Variants in RALGAPA1 observed in about 807,000 individuals in gnomAD.
RALGAPA1 encodes ral GTPase-activating protein subunit alpha-1.
A neutral mutation model predicts 269.6 loss-of-function variants in RALGAPA1; 52 were observed. The observed-to-expected ratio is 0.19, with a 90% CI of 0.15 to 0.24. RALGAPA1 has a LOEUF of 0.24. RALGAPA1 is among the 10% of genes least tolerant of loss of function. The pLI is 1.00. For synonymous variants in RALGAPA1, 817 were observed against 1,008.3 expected (o/e 0.81, Z 3.60); for missense variants, 1,917 against 3,013.9 (o/e 0.64, Z 8.52).
chr14:35,681,510 A>G (rs1288620274), intron 21 of RALGAPA1, among the ~76,000 whole-genome samples: 1 of 152,212 alleles, frequency 6.6e-6, no homozygotes, highest in African/African-American at 2.4e-5. Flanking sequence ...TTTGTTTGGA[A>G]CTTTATTTTT....
chr14:35,790,458 C>T (rs772228630), intron 1 of RALGAPA1, among the ~76,000 whole-genome samples: 4 of 151,650 alleles, frequency 2.6e-5, no homozygotes, highest in East Asian at 3.9e-4. Context: ...GAGGCCAAGG[C>T]GGGCGGATCA....
At chr14:35,647,205 T>C (rs1180570321) in intron 31 of RALGAPA1, among the ~76,000 whole-genome samples, 2 of 152,230 alleles carry the variant, frequency 1.3e-5, no homozygotes, top group African/African-American at 4.8e-5. Flanking sequence ...AAGTACACAC[T>C]GCTGGCACGT....
chr14:35,748,410 C>A, intron 10 of RALGAPA1, 175 bp downstream of exon 10: 5 of 457,516 alleles, frequency 1.1e-5, no homozygotes, highest in Non-Finnish European at 1.0e-5. Context: ...GATGCGGTCT[C>A]TCCATGTTGT....
At chr14:35,610,606 C>A (rs542567420) in intron 35 of RALGAPA1, among the ~76,000 whole-genome samples, 1 of 152,086 alleles carries the variant, frequency 6.6e-6, no homozygotes, top group African/African-American at 2.4e-5. Flanking sequence ...CTAAAACCAA[C>A]CTTAAAAAGA....
At chr14:35,563,020 C>CAAAAAAAAAAAAAAAAA (rs71445944) in intron 39 of RALGAPA1, among the ~76,000 whole-genome samples, 1 of 37,256 alleles carries the variant, frequency 2.7e-5, no homozygotes, top group African/African-American at 9.0e-5. Flanking sequence ...GAGTCCGTCT[C>CAAAAAAAAAAAAAAAAA]AAAAAAAAAA....
At chr14:35,651,510 A>C (rs372387028) in intron 31 of RALGAPA1, among the ~76,000 whole-genome samples, 31 of 152,298 alleles carry the variant, frequency 2.0e-4, no homozygotes, top group Middle Eastern at 3.4e-3. Flanking sequence ...AGAATTAACA[A>C]TCTTCAGGCA....
intron 26 of RALGAPA1, among the ~76,000 whole-genome samples, chr14:35,668,003 A>G (rs2064090967): frequency 1.3e-5 from 2 of 152,224 alleles, no homozygotes; most frequent in African/African-American, 2.4e-5. Context: ...ATCTGCAGCA[A>G]CATGGGTAGA....
intron 31 of RALGAPA1, among the ~76,000 whole-genome samples, chr14:35,639,971 A>T (rs919057750): frequency 2.0e-5 from 3 of 151,824 alleles, no homozygotes; most frequent in African/African-American, 7.3e-5. Flanking sequence ...ATTAAACAAT[A>T]TCTTCCTGAA....
At chr14:35,645,359 GTGT>G in intron 31 of RALGAPA1, among the ~76,000 whole-genome samples, 1 of 149,820 alleles carries the variant, frequency 6.7e-6, no homozygotes, top group East Asian at 2.0e-4. Context: ...GTGTGTGTGT[GTGT>G]GTGTGTGTGT....
At chr14:35,768,623 C>A (rs371705645) in intron 4 of RALGAPA1, among the ~76,000 whole-genome samples, 17 of 152,140 alleles carry the variant, frequency 1.1e-4, no homozygotes, top group African/African-American at 3.9e-4. Flanking sequence ...AAGCCCATTT[C>A]AAGGCTTCAG....
rs2074926551 is a variant in RALGAPA1, at chr14:35,775,130, T to C, written c.218-75A>G. 3 of 868,080 alleles carry C rather than the reference T, an allele frequency of 3.5e-6. No homozygotes were observed. In the Admixed American group the frequency reaches 8.2e-5, roughly 24 times the overall value. 53.8% of individuals were successfully genotyped at this position (868,080 alleles called of 1,614,324 possible). On this transcript the variant is annotated intron_variant, in intron 2 of 41. Coordinates refer to ENST00000680220, the MANE Select transcript of RALGAPA1 (RefSeq NM_001346249.2). Reference sequence around the variant, plus strand: ...TAATGAACTTAAAATATTTCAAGAATGAAGGTTTTTTTTTTCCCAGCAATT... The same window carrying C: ...TAATGAACTTAAAATATTTCAAGAACGAAGGTTTTTTTTTTCCCAGCAATT...
chr14:35,590,495 G>T (rs1376891918), intron 37 of RALGAPA1, among the ~76,000 whole-genome samples: 1 of 152,154 alleles, frequency 6.6e-6, no homozygotes, highest in Non-Finnish European at 1.5e-5. Context: ...TCTAGTGGTA[G>T]TGAGTTCTCA....
At chr14:35,746,953 TA>T (rs1476960999) in intron 10 of RALGAPA1, among the ~76,000 whole-genome samples, 2 of 150,324 alleles carry the variant, frequency 1.3e-5, no homozygotes, top group African/African-American at 2.4e-5. Context: ...AAAAGACTAA[TA>T]AAACTGACAA....
At chr14:35,616,793 C>T (rs895586811) in intron 35 of RALGAPA1, among the ~76,000 whole-genome samples, 5 of 152,128 alleles carry the variant, frequency 3.3e-5, no homozygotes, top group African/African-American at 9.7e-5. Flanking sequence ...GGTCAGGATG[C>T]TAACCTTCAG....
intron 25 of RALGAPA1, among the ~76,000 whole-genome samples, chr14:35,671,902 C>T (rs6571727): frequency 0.35 from 52,902 of 152,004 alleles, 12,721 homozygotes; most frequent in African/African-American, 0.67. Flanking sequence ...CCACATGACC[C>T]GTTACGTGAC....
intron 39 of RALGAPA1, 111 bp downstream of exon 39, chr14:35,570,506 A>G: frequency 1.1e-6 from 1 of 884,510 alleles, no homozygotes; most frequent in Non-Finnish European, 1.6e-6. Flanking sequence ...ACAAAAAATA[A>G]TAATTAAAAA....
intron 17 of RALGAPA1, among the ~76,000 whole-genome samples, chr14:35,691,455 T>C (rs1373853754): frequency 1.3e-5 from 2 of 152,206 alleles, no homozygotes; most frequent in South Asian, 2.1e-4. Flanking sequence ...TTGCTACTTA[T>C]TAGGCTTCTT....
At chr14:35,663,983 G>A (rs2063742681) in intron 27 of RALGAPA1, among the ~76,000 whole-genome samples, 1 of 152,066 alleles carries the variant, frequency 6.6e-6, no homozygotes, top group Non-Finnish European at 1.5e-5. Context: ...TTATCAACAG[G>A]CACCTTGCTG....
chr14:35,769,134 A>G (rs982921071), intron 4 of RALGAPA1, among the ~76,000 whole-genome samples: 1 of 149,388 alleles, frequency 6.7e-6, no homozygotes, highest in African/African-American at 2.5e-5. Context: ...AGTATAAAGA[A>G]AATCAATGAT....
Sources: allele counts gnomAD v4.1 joint callset (sites outside exome capture counted in the v4.1 genomes callset), GRCh38; gene constraint gnomAD v4.1.1; transcripts MANE v1.5; gene names NCBI Gene and HGNC (gene_info 2026-07-23, HGNC 2026-07-21).